The following TPP2 variants were observed in gnomAD, a reference collection of about 807,000 sequenced individuals.
The protein encoded by TPP2 is tripeptidyl peptidase 2, also known as tripeptidyl-peptidase 2.
A neutral mutation model predicts 155.9 loss-of-function variants in TPP2; 34 were observed. The observed-to-expected ratio is 0.22, with a 90% CI of 0.17 to 0.29. The LOEUF (loss-of-function observed/expected upper bound fraction) is 0.29, where lower values mean the gene tolerates loss of function less well. TPP2 is among the 10% of genes least tolerant of loss of function. TPP2 has a pLI of 1.00. For synonymous variants in TPP2, 510 were observed against 529.4 expected (o/e 0.96, Z 0.50); for missense variants, 1,028 against 1,522.3 (o/e 0.68, Z 5.40).
chr13:102,655,169 T>C (rs946080993), intron 24 of TPP2, among the ~76,000 whole-genome samples: 1 of 152,200 alleles, frequency 6.6e-6, no homozygotes, highest in African/African-American at 2.4e-5. Flanking sequence ...TGGAATACTA[T>C]TAGAACTACA....
intron 26 of TPP2, 141 bp from the exon 27 acceptor site, chr13:102,664,654 G>A (rs1200032310): frequency 6.5e-6 from 5 of 773,954 alleles, no homozygotes; most frequent in Non-Finnish European, 9.7e-6. Context: ...GGAGATAGCA[G>A]GGAGCCCCTG....
At chr13:102,655,683 T>C (rs1177273310) in intron 24 of TPP2, among the ~76,000 whole-genome samples, 12 of 152,174 alleles carry the variant, frequency 7.9e-5, no homozygotes, top group Non-Finnish European at 1.6e-4. Flanking sequence ...TTGACTTCCA[T>C]TCTCTTTTCA....
chr13:102,616,532 C>G, intron 4 of TPP2, 32 bp downstream of exon 4: 5 of 1,540,512 alleles, frequency 3.2e-6, no homozygotes, highest in Non-Finnish European at 4.4e-6. Context: ...TTAAACATTA[C>G]CCTAGAACCA....
chr13:102,605,737 T>C (rs1017978731), intron 2 of TPP2, among the ~76,000 whole-genome samples: 2 of 151,804 alleles, frequency 1.3e-5, no homozygotes, highest in Non-Finnish European at 2.9e-5. Context: ...TCTTTTTTTT[T>C]TCGAGACATA....
chr13:102,672,061 G>A (rs1429948146), intron 27 of TPP2, among the ~76,000 whole-genome samples: 2 of 152,046 alleles, frequency 1.3e-5, no homozygotes, highest in Non-Finnish European at 2.9e-5. Context: ...GTTCCATTGT[G>A]ATCCATTGCA....
At chr13:102,630,272 A>G in intron 10 of TPP2, 77 bp downstream of exon 10, 1 of 1,082,100 alleles carries the variant, frequency 9.2e-7, no homozygotes, top group Non-Finnish European at 1.3e-6. Flanking sequence ...AGAGTTTTAG[A>G]TAAGTTTGCT....
Position 102,644,986 on chromosome 13 carries a change from G to C in TPP2, c.2370G>C (p.Leu790Phe), listed in dbSNP as rs755838411. The change falls in exon 19 of 30, where the codon TTG (leucine) becomes TTC (phenylalanine). Residue 790 changes from leucine to phenylalanine, a missense_variant. Coordinates refer to ENST00000376052, the MANE Select transcript of TPP2 (RefSeq NM_001330588.2). ...AAGATCTGGCTCCCTGCATAACTTT[G>C]AAGAACTGGGTCCAAACACTGCGGT... ...KYEDLAPCIT[L>F]KNWVQTLRPV... 3 of 1,613,808 alleles carry C rather than the reference G, an allele frequency of 1.9e-6. No individual in the cohort carries two copies. In the East Asian group the frequency reaches 6.7e-5, roughly 36 times the overall value.
At position 102,664,876 on chromosome 13, in the gene TPP2, T is replaced by C; in HGVS notation, c.3322T>C (p.Tyr1108His). 1 of 1,613,882 alleles carries C rather than the reference T, an allele frequency of 6.2e-7. No individual in the cohort carries two copies. The highest frequency in any genetic ancestry group is 8.5e-7 in the Non-Finnish European group (1 of 1,179,864). The stretch of plus-strand genomic sequence containing the variant: ...TATAGATCAAACAGCCCTAGCAGTT[T>C]ATATTGCAATGAAGACTGATCCCAG... ...SHIDQTALAVYIAMKTDPRPD... is the reference protein window; with the variant it reads ...SHIDQTALAVHIAMKTDPRPD... Residue 1108 changes from tyrosine (Y) to histidine (H), a missense_variant, in exon 27 of 30, where the codon TAT becomes CAT. Physicochemically the swap from Tyr to His is moderately conservative, Grantham distance 83. Transcript: ENST00000376052.
chr13:102,647,101 T>C, intron 20 of TPP2, 106 bp from the exon 21 acceptor site: 1 of 1,334,572 alleles, frequency 7.5e-7, no homozygotes, highest in Non-Finnish European at 9.9e-7. Flanking sequence ...ACAAGTATTT[T>C]TAATGTTTTT....
chr13:102,625,581 TAA>T (rs1429432726), intron 6 of TPP2, among the ~76,000 whole-genome samples: 1 of 152,224 alleles, frequency 6.6e-6, no homozygotes, highest in Non-Finnish European at 1.5e-5. Flanking sequence ...TGGTCAGTCT[TAA>T]TAGTGGTCAT....
At chr13:102,648,547 T>C (rs917140807) in intron 21 of TPP2, among the ~76,000 whole-genome samples, 10 of 151,816 alleles carry the variant, frequency 6.6e-5, no homozygotes, top group African/African-American at 2.4e-4. Context: ...GAGGGACCCA[T>C]GAACTAGAAA....
At position 102,657,216 on chromosome 13, in the gene TPP2, T is replaced by A; in HGVS notation, c.3143+9T>A. The stretch of plus-strand genomic sequence containing the variant: ...ATTCAGTGGATGACAAAGTAGGTTT[T>A]TAAATGTATTTTAATTCTTTAAATG... On this transcript the variant is annotated intron_variant, in intron 25 of 29. Coordinates refer to ENST00000376052, the MANE Select transcript of TPP2 (RefSeq NM_001330588.2). The A allele has an allele frequency of 6.4e-7, 1 of 1,560,476 alleles. No homozygotes were observed. The highest frequency in any genetic ancestry group is 8.6e-7 in the Non-Finnish European group (1 of 1,162,448).
At position 102,647,384 on chromosome 13, in the gene TPP2, G is replaced by A. The variant is rs371671440; in HGVS notation, c.2628+40G>A. The A allele has an allele frequency of 1.2e-4, 190 of 1,593,770 alleles. 1 individual carries two copies. In the African/African-American group the frequency reaches 2.3e-3, roughly 19 times the overall value. On this transcript the variant is annotated intron_variant, in intron 21 of 29. Coordinates refer to ENST00000376052, the MANE Select transcript of TPP2 (RefSeq NM_001330588.2). ...GTGATTTTTAGAATTAACGGAAGCT[G>A]TTTCCTGAACTAACAAAATCCTGGT...
At chr13:102,626,317 A>C (rs1881620197) in intron 6 of TPP2, among the ~76,000 whole-genome samples, 1 of 151,934 alleles carries the variant, frequency 6.6e-6, no homozygotes, top group South Asian at 2.1e-4. Context: ...TATTTTTGTG[A>C]GCTTTATCTC....
At chr13:102,655,931 A>G (rs759015487) in intron 24 of TPP2, among the ~76,000 whole-genome samples, 2 of 151,706 alleles carry the variant, frequency 1.3e-5, no homozygotes, top group Non-Finnish European at 2.9e-5. Context: ...TGCTTTTTCC[A>G]TTCACTATCC....
intron 2 of TPP2, among the ~76,000 whole-genome samples, chr13:102,609,686 C>T (rs1450377508): frequency 2.6e-5 from 4 of 152,016 alleles, no homozygotes; most frequent in Admixed American, 2.0e-4. Flanking sequence ...CGCGAGCCAC[C>T]GTGCCCAGCC....
In TPP2 at chr13:102,597,047, C is replaced by T. The variant is rs775866998; in HGVS notation, c.9C>T (p.Thr3=). 3 of 1,611,566 alleles carry T rather than the reference C, an allele frequency of 1.9e-6. No homozygotes were observed. The highest frequency in any genetic ancestry group is 2.7e-5 in the African/African-American group (2 of 74,768). Residue 3 remains threonine (T), a synonymous_variant, in exon 1 of 30, where the codon ACC becomes ACT. Coordinates refer to ENST00000376052, the MANE Select transcript of TPP2 (RefSeq NM_001330588.2). ...TCCTCCATCCTGCGTCCATGGCCACCGCTGCGACTGAGGAGCCCTTCCCTT... is the reference window on the plus strand; with the variant it reads ...TCCTCCATCCTGCGTCCATGGCCACTGCTGCGACTGAGGAGCCCTTCCCTT... The part of the protein sequence containing the change: MA[T]AATEEPFPFH...
chr13:102,619,763 T>C (rs1881019596), intron 5 of TPP2, among the ~76,000 whole-genome samples: 1 of 152,240 alleles, frequency 6.6e-6, no homozygotes, highest in Non-Finnish European at 1.5e-5. Flanking sequence ...AATCTAGATA[T>C]TAAATATTAA....
At chr13:102,625,761 C>G (rs1382026462) in intron 6 of TPP2, among the ~76,000 whole-genome samples, 1 of 152,180 alleles carries the variant, frequency 6.6e-6, no homozygotes, top group Non-Finnish European at 1.5e-5. Flanking sequence ...TGCTGCAGAC[C>G]CTGTTTCAAA....
Sources: allele counts gnomAD v4.1 joint callset (sites outside exome capture counted in the v4.1 genomes callset), GRCh38; gene constraint gnomAD v4.1.1; transcripts MANE v1.5; gene names NCBI Gene and HGNC (gene_info 2026-07-23, HGNC 2026-07-21).